Variants in NOTCH1 observed in about 807,000 individuals in gnomAD.
NOTCH1 encodes notch receptor 1, also known as neurogenic locus notch homolog protein 1.
Under a neutral mutation model 254.8 loss-of-function variants are expected in NOTCH1, and 37 were observed. The observed-to-expected ratio is 0.15, with a 90% CI of 0.11 to 0.19. NOTCH1 has a LOEUF of 0.19. Among genes scored for constraint, NOTCH1 ranks in the 10% least tolerant of loss-of-function variants. NOTCH1 has a pLI of 1.00. For missense variants in NOTCH1, 2,972 were observed against 3,708.6 expected (o/e 0.80, Z 5.16); for synonymous variants, 1,731 against 1,618.1 (o/e 1.07, Z -1.68).
chr9:136,530,643 C>G (rs1843545213), intron 2 of NOTCH1, among the ~76,000 whole-genome samples: 1 of 152,228 alleles, frequency 6.6e-6, no homozygotes, highest in Non-Finnish European at 1.5e-5. Context: ...ACCTGCTGCT[C>G]CACTGCGGGA....
intron 2 of NOTCH1, among the ~76,000 whole-genome samples, chr9:136,538,171 T>C (rs904774830): frequency 1.3e-5 from 2 of 152,176 alleles, no homozygotes; most frequent in African/African-American, 4.8e-5. Context: ...AACCAGTCCT[T>C]AGCTCCCTTT....
chr9:136,511,834 G>A (rs922476046), intron 15 of NOTCH1, among the ~76,000 whole-genome samples: 4 of 152,230 alleles, frequency 2.6e-5, no homozygotes, highest in African/African-American at 7.2e-5. Flanking sequence ...CACGGGGCAC[G>A]GCCTGGAGAC....
chr9:136,507,233 C>G (rs1843102839), intron 22 of NOTCH1, 72 bp downstream of exon 22: 1 of 1,609,052 alleles, frequency 6.2e-7, no homozygotes, highest in Non-Finnish European at 8.5e-7. Context: ...TCTGGCCGGT[C>G]CCGGGGTGCC....
intron 12 of NOTCH1, among the ~76,000 whole-genome samples, 167 bp from the exon 13 acceptor site, chr9:136,514,869 G>A (rs886685451): frequency 1.3e-5 from 2 of 152,166 alleles, no homozygotes; most frequent in Admixed American, 6.5e-5. Context: ...CAGCCTCCCC[G>A]GGCACCAGTG....
At chr9:136,509,996 G>A (rs2133351635) in intron 17 of NOTCH1, 35 bp from the exon 18 acceptor site, 1 of 1,589,312 alleles carries the variant, frequency 6.3e-7, no homozygotes, top group South Asian at 1.1e-5. Flanking sequence ...GTGAGGGGCA[G>A]GCACAAACCC....
At chr9:136,498,116 A>G (rs546906317) in intron 33 of NOTCH1, among the ~76,000 whole-genome samples, 1 of 152,168 alleles carries the variant, frequency 6.6e-6, no homozygotes, top group Non-Finnish European at 1.5e-5. Flanking sequence ...CTGTGGGGCC[A>G]TGCTGCCACG....
chr9:136,530,847 T>A (rs934524706), intron 2 of NOTCH1, among the ~76,000 whole-genome samples: 1 of 152,150 alleles, frequency 6.6e-6, no homozygotes, highest in East Asian at 1.9e-4. Flanking sequence ...GGGAAGGCAA[T>A]GGACAGGCCC....
At chr9:136,520,312 C>T (rs1843346639) in intron 4 of NOTCH1, among the ~76,000 whole-genome samples, 2 of 152,154 alleles carry the variant, frequency 1.3e-5, no homozygotes, top group African/African-American at 4.8e-5. Flanking sequence ...CCTGCTCGGC[C>T]CCTCCCTCTG....
rs778481564 is a variant in NOTCH1, at chr9:136,515,489, T to A, written c.1897A>T (p.Thr633Ser). ...NAYLCFCLKG[T>S]TGPNCEINLD... ...CACCCGCCTGGCCGGCCACCTGTGG[T>A]CCCCTTCAGGCAGAAGCAGAGGTAG... Residue 633 changes from threonine to serine, a missense_variant, in exon 11 of 34, where the codon ACC becomes TCC. Around this residue, in one of 8 missense-constraint regions of NOTCH1, gnomAD observed 1,343 missense variants for 1,557.0 expected, o/e 0.86. Coordinates refer to ENST00000651671, the MANE Select transcript of NOTCH1 (RefSeq NM_017617.5). 4 of 1,611,776 alleles carry A rather than the reference T, an allele frequency of 2.5e-6. No homozygotes were observed. Among genetic ancestry groups the A allele is most frequent in the Non-Finnish European group, 2.5e-6 (3 of 1,179,690 alleles).
At chr9:136,522,249 G>A (rs190477820) in intron 4 of NOTCH1, among the ~76,000 whole-genome samples, 1 of 152,108 alleles carries the variant, frequency 6.6e-6, no homozygotes, top group South Asian at 2.1e-4. Flanking sequence ...AGTGCTGGGA[G>A]TACAGGCGTG....
rs749943647 is a variant in NOTCH1 at position 136,519,556 on chromosome 9, C to T, written c.752G>A (p.Gly251Asp). ...GTCGATATTTTCCTCACAGTTCTGG[C>T]CGGTGAAGCCTGCCGCAAGAGGGGC... ...HECACLPGFT[G>D]QNCEENIDDC... Residue 251 changes from glycine (G) to aspartate (D), a missense_variant, in exon 5 of 34, where the codon GGC becomes GAC. Coordinates refer to ENST00000651671, the MANE Select transcript of NOTCH1 (RefSeq NM_017617.5). The T allele has an allele frequency of 4.3e-6, 7 of 1,612,696 alleles. No homozygotes were observed. The Admixed American group carries it at 6.7e-5, about 15-fold the overall frequency.
rs547687521 is a variant in NOTCH1 at position 136,505,633 on chromosome 9, G to A, written c.4263C>T (p.Asn1421=). ...FYRCLCPAKF[N]GLLCHILDYS... ...AGTCCAGGATGTGGCACAAGAGCCCGTTGAATTTGGCGGGGCACAGGCAAC... is the reference window on the plus strand; with the variant it reads ...AGTCCAGGATGTGGCACAAGAGCCCATTGAATTTGGCGGGGCACAGGCAAC... The change falls in exon 25 of 34, where the codon AAC becomes AAT. Residue 1421 remains asparagine, a synonymous_variant. Coordinates refer to ENST00000651671, the MANE Select transcript of NOTCH1 (RefSeq NM_017617.5). 1.3e-5 allele frequency: 21 copies of A among 1,612,142 alleles called. No homozygotes were observed. In the East Asian group the frequency reaches 1.6e-4, roughly 12 times the overall value.
At chr9:136,528,535 GACGGGCAGGGACA>G (rs1243424389) in intron 2 of NOTCH1, among the ~76,000 whole-genome samples, 183 of 149,914 alleles carry the variant, frequency 1.2e-3, no homozygotes, top group African/African-American at 4.3e-3. Context: ...ACAGTGGAGG[GACGGGCAGGGACA>G]GTTGGTGGGA....
intron 22 of NOTCH1, 121 bp downstream of exon 22, chr9:136,507,184 C>A: frequency 6.4e-7 from 1 of 1,566,182 alleles, no homozygotes; most frequent in South Asian, 1.1e-5. Flanking sequence ...CTTGGCCTCA[C>A]ACAGGAAAAT....
chr9:136,542,150 C>T (rs143151951), intron 2 of NOTCH1, among the ~76,000 whole-genome samples: 8 of 152,274 alleles, frequency 5.3e-5, no homozygotes, highest in Non-Finnish European at 8.8e-5. Flanking sequence ...CAAAGCACAG[C>T]GCTCTGGCCC....
rs1185244056 is a variant in NOTCH1, at chr9:136,509,934, G to A, written c.2768C>T (p.Thr923Ile). 2.5e-6 allele frequency: 4 copies of A among 1,613,262 alleles called. No homozygotes were observed. The highest frequency in any genetic ancestry group is 1.7e-6 in the Non-Finnish European group (2 of 1,180,012). Residue 923 changes from threonine to isoleucine, a missense_variant, in exon 18 of 34, where the codon ACA (threonine) becomes ATA (isoleucine). Thr to Ile is a moderately conservative substitution (Grantham distance 89). Coordinates refer to ENST00000651671, the MANE Select transcript of NOTCH1 (RefSeq NM_017617.5). ...PNPCHNGGSC[T>I]DGINTAFCDC... is the part of the protein sequence containing the mutation. ...GCAGAAGGCCGTGTTGATGCCGTCT[G>A]TGCAGGAGCCCCCGTTGTGACACGG...
intron 2 of NOTCH1, among the ~76,000 whole-genome samples, chr9:136,536,041 G>A (rs1272268413): frequency 2.0e-5 from 3 of 152,046 alleles, no homozygotes; most frequent in African/African-American, 4.8e-5. Context: ...CAGGGTAGGG[G>A]GGCGCACTGA....
rs1390427898 is a variant in NOTCH1 at position 136,496,694 on chromosome 9, G to A, written c.7045C>T (p.Pro2349Ser). 6.2e-7 allele frequency: 1 copy of A among 1,612,866 alleles called. No homozygotes were observed. Among genetic ancestry groups the A allele is most frequent in the Non-Finnish European group, 8.5e-7 (1 of 1,179,964 alleles). The part of the protein sequence containing the change: ...APSLQHGMVG[P>S]LHSSLAASAL... Reference sequence around the variant, plus strand: ...CTGGCAGCAAGGCTACTGTGCAGCGGGCCTACCATGCCATGCTGCAGGGAG... The same window carrying A: ...CTGGCAGCAAGGCTACTGTGCAGCGAGCCTACCATGCCATGCTGCAGGGAG... The change falls in exon 34 of 34, where the codon CCG (proline) becomes TCG (serine). Residue 2349 changes from proline to serine, a missense_variant. Pro to Ser is a moderately conservative substitution (Grantham distance 74, BLOSUM62 -1). This residue lies in a region of NOTCH1 where 529 missense variants were observed against 529.2 expected (regional missense o/e 1.00). Coordinates refer to ENST00000651671, the MANE Select transcript of NOTCH1 (RefSeq NM_017617.5).
Position 136,496,406 on chromosome 9 carries a change from G to A in NOTCH1, c.7333C>T (p.Pro2445Ser), listed in dbSNP as rs748783098. The A allele has an allele frequency of 6.3e-7, 1 of 1,599,330 alleles. No individual in the cohort carries two copies. The highest frequency in any genetic ancestry group is 8.5e-7 in the Non-Finnish European group (1 of 1,179,286). Residue 2445 changes from proline (P) to serine (S), a missense_variant, in exon 34 of 34, where the codon CCA (proline) becomes TCA (serine). Physicochemically the swap from Pro to Ser is moderately conservative, Grantham distance 74. Coordinates refer to ENST00000651671, the MANE Select transcript of NOTCH1 (RefSeq NM_017617.5). ...ACCGCCAGGCTGCTGGGGCCCAGTGGCTGCACGTCTGCCTGGCTCGGCTCT... is the reference window on the plus strand; with the variant it reads ...ACCGCCAGGCTGCTGGGGCCCAGTGACTGCACGTCTGCCTGGCTCGGCTCT... Reference protein sequence around the residue: ...SGEPSQADVQPLGPSSLAVHT... With the variant: ...SGEPSQADVQSLGPSSLAVHT...
Sources: gnomAD v4.1 joint callset for allele counts (sites outside exome capture counted in the v4.1 genomes callset) on GRCh38, gnomAD v4.1.1 for gene constraint, gnomAD v4.1.1 regional missense constraint, MANE v1.5 for transcripts, NCBI Gene and HGNC (gene_info 2026-07-23, HGNC 2026-07-21) for gene names.